The following SNRNP40 variants were observed in gnomAD, a reference collection of about 807,000 sequenced individuals.
SNRNP40 encodes small nuclear ribonucleoprotein U5 subunit 40, also known as U5 small nuclear ribonucleoprotein 40 kDa protein.
Under a neutral mutation model 45.8 loss-of-function variants are expected in SNRNP40, and 21 were observed. The observed-to-expected ratio is 0.46, with a 90% CI of 0.32 to 0.66. The LOEUF (loss-of-function observed/expected upper bound fraction) is 0.66. SNRNP40 is among the 30% of genes least tolerant of loss of function. The pLI is 0.03. For synonymous variants in SNRNP40, 142 were observed against 163.8 expected, an observed-to-expected ratio of 0.87 and a Z score of 1.01; for missense variants, 344 against 439.1, an observed-to-expected ratio of 0.78 and a Z score of 1.94.
At chr1:31,261,739 C>T in intron 8 of SNRNP40, 107 bp from the exon 9 acceptor site, 1 of 667,412 alleles carries the variant, frequency 1.5e-6, no homozygotes, top group Non-Finnish European at 2.7e-6. Flanking sequence ...ACTTACCTTA[C>T]ATTTACTGAA....
At chr1:31,261,897 C>G in intron 8 of SNRNP40, 1 of 284,628 alleles carries the variant, frequency 3.5e-6, no homozygotes, top group Non-Finnish European at 6.5e-6. Flanking sequence ...TGGGAAACAC[C>G]ACAGGGAAGA....
rs937201633 is a variant in SNRNP40 at position 31,261,595 on chromosome 1, A to G, written c.958T>C (p.Leu320=). The G allele has an allele frequency of 3.1e-6, 5 of 1,614,132 alleles. No individual in the cohort carries two copies. Among genetic ancestry groups the G allele is most frequent in the Non-Finnish European group, 4.2e-6 (5 of 1,179,986 alleles). The part of the protein sequence containing the change: ...YVWDTTSRRI[L]YKLPGHAGSI... ...CCAGCATGGCCGGGCAGCTTATACA[A>G]TATTCTCCTGCTTGTGGTATCCCAC... Residue 320 remains leucine (L), a synonymous_variant, in exon 9 of 10, where the codon TTG becomes CTG. Transcript: ENST00000263694.
At chr1:31,270,952 T>C (rs904688724) in intron 6 of SNRNP40, among the ~76,000 whole-genome samples, 3 of 152,154 alleles carry the variant, frequency 2.0e-5, no homozygotes, top group African/African-American at 7.2e-5. Flanking sequence ...CCCACACCAA[T>C]GCTTTCAGAG....
chr1:31,261,306 G>C, intron 9 of SNRNP40: 1 of 525,584 alleles, frequency 1.9e-6, no homozygotes, highest in Non-Finnish European at 3.4e-6. Flanking sequence ...AGCCAAGATT[G>C]CACCATTGCT....
chr1:31,269,454 G>C, intron 6 of SNRNP40: 1 of 1,177,628 alleles, frequency 8.5e-7, no homozygotes. Context: ...GCTAGCTGAG[G>C]GGGCAGGAAG....
intron 7 of SNRNP40, among the ~76,000 whole-genome samples, chr1:31,268,873 T>G (rs896543965): frequency 6.6e-6 from 1 of 152,116 alleles, no homozygotes; most frequent in Non-Finnish European, 1.5e-5. Context: ...AGGGTAAAAT[T>G]CCCAAGTAAT....
At chr1:31,285,520 T>A (rs890932519) in intron 4 of SNRNP40, among the ~76,000 whole-genome samples, 2 of 152,200 alleles carry the variant, frequency 1.3e-5, no homozygotes, top group African/African-American at 4.8e-5. Flanking sequence ...ATTACAGGCA[T>A]AAGCCACTGC....
Position 31,296,668 on chromosome 1 carries a change from C to T in SNRNP40, c.84G>A (p.Ala28=), listed in dbSNP as rs775256666. Residue 28 remains alanine, a synonymous_variant, in exon 1 of 10, where the codon GCG becomes GCA. Transcript: ENST00000263694. The part of the protein sequence containing the change: ...KRQRHELLLG[A]GSGPGAGQQQ... ...GCTGCCCGGCTCCTGGGCCAGACCC[C>T]GCTCCCAACAGCAACTCATGCCGCT... 4 of 1,613,974 alleles carry T rather than the reference C, an allele frequency of 2.5e-6. No homozygotes were observed. In the Admixed American group the frequency reaches 5.0e-5, roughly 20 times the overall value.
chr1:31,280,378 G>C (rs545514739), intron 5 of SNRNP40, among the ~76,000 whole-genome samples: 1 of 151,912 alleles, frequency 6.6e-6, no homozygotes, highest in South Asian at 2.1e-4. Context: ...TGGCCAGGAC[G>C]GTCTCGGTCT....
At chr1:31,261,697 C>T in intron 8 of SNRNP40, 65 bp from the exon 9 acceptor site, 1 of 971,024 alleles carries the variant, frequency 1.0e-6, no homozygotes. Flanking sequence ...AGAGGCATGG[C>T]TTTTTAAAGG....
At chr1:31,286,165 T>C (rs1416562299) in intron 4 of SNRNP40, among the ~76,000 whole-genome samples, 2 of 150,390 alleles carry the variant, frequency 1.3e-5, no homozygotes, top group East Asian at 3.9e-4. Flanking sequence ...TACATTTAGG[T>C]ACACACACAC....
intron 5 of SNRNP40, among the ~76,000 whole-genome samples, chr1:31,279,916 G>A: frequency 6.6e-6 from 1 of 150,732 alleles, no homozygotes; most frequent in African/African-American, 2.4e-5. Flanking sequence ...AGATAAGCCT[G>A]CCCAACATGG....
chr1:31,292,318 C>T (rs146090921), intron 2 of SNRNP40, among the ~76,000 whole-genome samples: 2,378 of 152,242 alleles, frequency 0.016, 35 homozygotes, highest in Non-Finnish European at 0.024. Flanking sequence ...GCCGAGATCG[C>T]GCCACGGCAC....
chr1:31,288,304 C>G (rs1036756748), intron 4 of SNRNP40, among the ~76,000 whole-genome samples: 1 of 152,186 alleles, frequency 6.6e-6, no homozygotes, highest in African/African-American at 2.4e-5. Context: ...AAATTCGTGT[C>G]AAAGAGAGAA....
intron 5 of SNRNP40, among the ~76,000 whole-genome samples, chr1:31,275,812 T>C (rs182957395): frequency 3.0e-3 from 454 of 152,352 alleles, no homozygotes; most frequent in Middle Eastern, 0.014. Flanking sequence ...TCTAGCAACC[T>C]GGTTTCAAAC....
intron 2 of SNRNP40, 29 bp downstream of exon 2, chr1:31,293,190 T>A (rs1646118968): frequency 6.2e-7 from 1 of 1,611,860 alleles, no homozygotes; most frequent in African/African-American, 1.3e-5. Flanking sequence ...GCAGGAAAAA[T>A]TATTCCAGAT....
intron 4 of SNRNP40, among the ~76,000 whole-genome samples, chr1:31,283,779 T>C (rs1166876565): frequency 6.6e-6 from 1 of 152,196 alleles, no homozygotes; most frequent in Non-Finnish European, 1.5e-5. Context: ...CTATGGTCCA[T>C]ATAGAAGGAA....
At chr1:31,275,743 A>T (rs1308517689) in intron 5 of SNRNP40, among the ~76,000 whole-genome samples, 1 of 152,278 alleles carries the variant, frequency 6.6e-6, no homozygotes, top group Non-Finnish European at 1.5e-5. Flanking sequence ...AAATTCTAAC[A>T]CATATACAAC....
At chr1:31,279,083 T>C (rs1356141057) in intron 5 of SNRNP40, among the ~76,000 whole-genome samples, 1 of 151,166 alleles carries the variant, frequency 6.6e-6, no homozygotes, top group Non-Finnish European at 1.5e-5. Context: ...GAATGAAGAA[T>C]GAATGGTATG....
Sources: allele counts gnomAD v4.1 joint callset (sites outside exome capture counted in the v4.1 genomes callset), GRCh38; gene constraint gnomAD v4.1.1; transcripts MANE v1.5; gene names NCBI Gene and HGNC (gene_info 2026-07-23, HGNC 2026-07-21).